Variants in CDH13 observed in about 807,000 individuals in gnomAD.
CDH13 encodes cadherin 13, also known as cadherin-13.
In CDH13, 24 loss-of-function variants were observed where a neutral mutation model predicts 63.8. The observed-to-expected ratio is 0.38, with a 90% CI of 0.27 to 0.53. The LOEUF (loss-of-function observed/expected upper bound fraction) is 0.53, where lower values mean the gene tolerates loss of function less well. Ranked by LOEUF, CDH13 falls within the 20% of genes least tolerant of loss-of-function variation. The pLI is 0.85. For synonymous variants in CDH13, 503 were observed against 355.3 expected, an observed-to-expected ratio of 1.42 and a Z score of -4.67; for missense variants, 1,049 against 903.1, an observed-to-expected ratio of 1.16 and a Z score of -2.07.
chr16:83,060,041 G>T (rs1399787705), intron 3 of CDH13, among the ~76,000 whole-genome samples: 1 of 151,940 alleles, frequency 6.6e-6, no homozygotes, highest in Non-Finnish European at 1.5e-5. Flanking sequence ...TGATCCGCAA[G>T]CCTCGGCCTC....
At chr16:83,769,809 A>G (rs1469157898) in intron 11 of CDH13, among the ~76,000 whole-genome samples, 3 of 152,058 alleles carry the variant, frequency 2.0e-5, no homozygotes, top group Non-Finnish European at 4.4e-5. Context: ...CCTTGTAGGG[A>G]ATGTGTGGTG....
At chr16:83,123,274 C>T (rs2035667542) in intron 3 of CDH13, among the ~76,000 whole-genome samples, 1 of 151,096 alleles carries the variant, frequency 6.6e-6, no homozygotes, top group Admixed American at 6.6e-5. Context: ...ATATATATCC[C>T]ACATTTTCTT....
intron 4 of CDH13, among the ~76,000 whole-genome samples, chr16:83,200,962 T>A (rs1379252888): frequency 6.9e-6 from 1 of 144,604 alleles, no homozygotes; most frequent in Non-Finnish European, 1.5e-5. Context: ...TGTGTGTGTG[T>A]GTGTGTGTGT....
rs113900618 is a variant in CDH13 at position 82,765,767 on chromosome 16, C to T, written c.46-92595C>T. On this transcript the variant is annotated intron_variant, in intron 1 of 13. Transcript: ENST00000567109. The stretch of plus-strand genomic sequence containing the variant: ...CTGAGTGTCATGTCTTCCTGTGGCC[C>T]GGGGAAGAGAGTGGGAAGGAAATAA... Among the ~76,000 whole-genome samples, 18 of 152,132 alleles carry T rather than the reference C, an allele frequency of 1.2e-4. No homozygotes were observed. The Middle Eastern group carries it at 0.01, about 86-fold the overall frequency.
chr16:83,785,895 C>G (rs759689187), intron 13 of CDH13, among the ~76,000 whole-genome samples: 1 of 152,166 alleles, frequency 6.6e-6, no homozygotes, highest in Non-Finnish European at 1.5e-5. Flanking sequence ...TAGGTACAGG[C>G]TCCTGGACAT....
intron 3 of CDH13, among the ~76,000 whole-genome samples, chr16:83,103,605 TG>T (rs1268724822): frequency 6.6e-6 from 1 of 152,284 alleles, no homozygotes; most frequent in African/African-American, 2.4e-5. Context: ...GAGTGGGTGA[TG>T]GTCCAGGCTC....
chr16:83,403,223 T>TAG (rs1367281325), intron 6 of CDH13, among the ~76,000 whole-genome samples: 2 of 151,922 alleles, frequency 1.3e-5, no homozygotes, highest in African/African-American at 4.8e-5. Flanking sequence ...TTAGGACAGA[T>TAG]TAGCAAAGCA....
At chr16:83,632,382 C>T (rs1405693297) in intron 8 of CDH13, among the ~76,000 whole-genome samples, 1 of 152,134 alleles carries the variant, frequency 6.6e-6, no homozygotes, top group African/African-American at 2.4e-5. Context: ...AGTGTCCTCA[C>T]TTACAGAATA....
intron 8 of CDH13, among the ~76,000 whole-genome samples, chr16:83,603,668 T>A (rs1908060715): frequency 6.6e-6 from 1 of 152,166 alleles, no homozygotes. Flanking sequence ...TCTGGAGGAA[T>A]CTCAAGGCTA....
chr16:82,820,454 C>G (rs1343373351), intron 1 of CDH13, among the ~76,000 whole-genome samples: 1 of 152,116 alleles, frequency 6.6e-6, no homozygotes, highest in Non-Finnish European at 1.5e-5. Context: ...AACTGAGGCA[C>G]AGAGAATTTA....
intron 3 of CDH13, among the ~76,000 whole-genome samples, chr16:83,053,907 G>T (rs1234375476): frequency 6.6e-6 from 1 of 152,156 alleles, no homozygotes; most frequent in Admixed American, 6.5e-5. Context: ...ATATAGTCAC[G>T]TGTGACATAA....
At chr16:83,381,515 C>G (rs1383079847) in intron 6 of CDH13, among the ~76,000 whole-genome samples, 1 of 151,982 alleles carries the variant, frequency 6.6e-6, no homozygotes, top group African/African-American at 2.4e-5. Flanking sequence ...TTCTGGATCT[C>G]AAGTCTTGAA....
chr16:82,917,004 C>A (rs1019941933), intron 2 of CDH13, among the ~76,000 whole-genome samples: 1 of 152,186 alleles, frequency 6.6e-6, no homozygotes, highest in Non-Finnish European at 1.5e-5. Flanking sequence ...CAGCTACTCA[C>A]TGTAAAAGTG....
chr16:83,021,102 A>G (rs1170599974), intron 2 of CDH13, among the ~76,000 whole-genome samples: 1 of 152,190 alleles, frequency 6.6e-6, no homozygotes, highest in East Asian at 1.9e-4. Flanking sequence ...AGATTTGGTG[A>G]TTCTCAAACT....
At chr16:83,589,303 C>G (rs1027172629) in intron 7 of CDH13, among the ~76,000 whole-genome samples, 1 of 131,778 alleles carries the variant, frequency 7.6e-6, no homozygotes, top group Admixed American at 7.7e-5. Context: ...CCTCTCCCTC[C>G]CTTCTTCCCC....
At chr16:83,060,047 G>A (rs1413828770) in intron 3 of CDH13, among the ~76,000 whole-genome samples, 8 of 151,864 alleles carry the variant, frequency 5.3e-5, no homozygotes, top group Non-Finnish European at 1.2e-4. Context: ...GCAAGCCTCG[G>A]CCTCCCAAAT....
At chr16:82,996,289 C>A (rs558933920) in intron 2 of CDH13, among the ~76,000 whole-genome samples, 15 of 152,240 alleles carry the variant, frequency 9.9e-5, no homozygotes, top group Middle Eastern at 6.8e-3. Context: ...AAACCCTCTT[C>A]CTCTCCCAGT....
chr16:82,936,543 T>C (rs2042672260), intron 2 of CDH13, among the ~76,000 whole-genome samples: 1 of 152,188 alleles, frequency 6.6e-6, no homozygotes, highest in South Asian at 2.1e-4. Flanking sequence ...GGAAGACTGC[T>C]GATCTATAGG....
intron 7 of CDH13, among the ~76,000 whole-genome samples, chr16:83,491,024 T>G (rs2074001899): frequency 6.6e-6 from 1 of 152,228 alleles, no homozygotes; most frequent in African/African-American, 2.4e-5. Context: ...ATGACCTGTG[T>G]TCCTTAAGTT....
Sources: gnomAD v4.1 joint callset for allele counts (sites outside exome capture counted in the v4.1 genomes callset) on GRCh38, gnomAD v4.1.1 for gene constraint, MANE v1.5 for transcripts, NCBI Gene and HGNC (gene_info 2026-07-23, HGNC 2026-07-21) for gene names.